Variants in MPPED1 observed in about 807,000 individuals in gnomAD.
The protein encoded by MPPED1 is metallophosphoesterase domain containing 1.
Under a neutral mutation model 36.2 loss-of-function variants are expected in MPPED1, and 16 were observed. The ratio of observed to expected loss-of-function variants is 0.44; its 90% confidence interval spans 0.30 to 0.67. MPPED1 has a LOEUF of 0.67. Among genes scored for constraint, MPPED1 ranks in the 30% least tolerant of loss-of-function variants. MPPED1 has a pLI of 0.10. For missense variants in MPPED1, 307 were observed against 453.4 expected (o/e 0.68, Z 2.93); for synonymous variants, 199 against 191.3 (o/e 1.04, Z -0.33).
intron 5 of MPPED1, among the ~76,000 whole-genome samples, chr22:43,499,962 GTGGTGA>G (rs1932607365): frequency 8.2e-6 from 1 of 121,622 alleles, no homozygotes; most frequent in Non-Finnish European, 1.7e-5. Context: ...GGTGATGGAG[GTGGTGA>G]TGGGGGTGGT....
At chr22:43,427,104 G>A (rs1929504908) in intron 2 of MPPED1, among the ~76,000 whole-genome samples, 1 of 152,228 alleles carries the variant, frequency 6.6e-6, no homozygotes, top group Non-Finnish European at 1.5e-5. Flanking sequence ...GAGCAGCAAG[G>A]CCTCCCAGGG....
intron 3 of MPPED1, among the ~76,000 whole-genome samples, chr22:43,463,839 CTTTCTTTCTTTCT>C (rs1241143737): frequency 1.7e-5 from 2 of 115,654 alleles, no homozygotes; most frequent in African/African-American, 7.4e-5. Flanking sequence ...TTCTTTCTTT[CTTTCTTTCTTTCT>C]TTCTTTCTTT....
At chr22:43,498,172 A>C in intron 4 of MPPED1, 63 bp from the exon 5 acceptor site, 19 of 1,346,830 alleles carry the variant, frequency 1.4e-5, no homozygotes, top group Non-Finnish European at 1.9e-5. Flanking sequence ...GGAGCTCCGC[A>C]TTCCCTCTGA....
At chr22:43,500,149 G>GGGTGGTGGTGGTGATGGTGAT (rs1932631757) in intron 5 of MPPED1, among the ~76,000 whole-genome samples, 1 of 56,760 alleles carries the variant, frequency 1.8e-5, no homozygotes, top group Non-Finnish European at 3.1e-5. Flanking sequence ...GAGGTGGTGG[G>GGGTGGTGGTGGTGATGGTGAT]GGTGGTGGTG....
chr22:43,494,994 C>A (rs1311882215), intron 4 of MPPED1, among the ~76,000 whole-genome samples: 1 of 152,166 alleles, frequency 6.6e-6, no homozygotes, highest in Non-Finnish European at 1.5e-5. Flanking sequence ...ACCCTCATGA[C>A]CTCATCACCT....
At chr22:43,420,040 C>G (rs1929209898) in intron 1 of MPPED1, among the ~76,000 whole-genome samples, 1 of 152,136 alleles carries the variant, frequency 6.6e-6, no homozygotes, top group Non-Finnish European at 1.5e-5. Flanking sequence ...CTGCGGGGAC[C>G]TGGAGTCTCC....
At chr22:43,477,782 G>A (rs989210198) in intron 4 of MPPED1, among the ~76,000 whole-genome samples, 1 of 152,212 alleles carries the variant, frequency 6.6e-6, no homozygotes, top group African/African-American at 2.4e-5. Context: ...TTGGGTACTG[G>A]AGGCTGTTCA....
chr22:43,415,773 A>G (rs738679), intron 1 of MPPED1, among the ~76,000 whole-genome samples: 133,641 of 152,074 alleles, frequency 0.88, 58,810 homozygotes, highest in Middle Eastern at 0.97. Flanking sequence ...CACCACCCCA[A>G]TCTACACCTG....
chr22:43,424,941 G>C lies in MPPED1; in HGVS notation c.-45G>C. ...CAGGTCTGGCGGGGGGCCGGGCTGC[G>C]GTGGCGGCAGCGGTGGGAGATGCCG... is the stretch of plus-strand genomic sequence containing the variant. On this transcript the variant is annotated 5_prime_UTR_variant, in exon 2 of 7. Coordinates refer to ENST00000443721, the MANE Select transcript of MPPED1 (RefSeq NM_001044370.2). 6.5e-7 allele frequency: 1 copy of C among 1,545,448 alleles called. No homozygotes were observed. The highest frequency in any genetic ancestry group is 8.7e-7 in the Non-Finnish European group (1 of 1,147,130).
intron 1 of MPPED1, among the ~76,000 whole-genome samples, chr22:43,415,927 A>G (rs1929063662): frequency 6.6e-6 from 1 of 152,246 alleles, no homozygotes; most frequent in Admixed American, 6.5e-5. Context: ...CACTTCAAGG[A>G]GAAAATGATG....
intron 1 of MPPED1, among the ~76,000 whole-genome samples, chr22:43,415,651 A>G (rs1929054575): frequency 6.6e-6 from 1 of 152,216 alleles, no homozygotes; most frequent in Non-Finnish European, 1.5e-5. Flanking sequence ...GAACCAGGTC[A>G]TCATCATAAA....
intron 4 of MPPED1, among the ~76,000 whole-genome samples, chr22:43,485,564 G>A (rs893866631): frequency 2.0e-5 from 3 of 151,798 alleles, no homozygotes; most frequent in Admixed American, 1.3e-4. Context: ...CACAGACACC[G>A]CCACGATTTC....
At chr22:43,431,216 T>C (rs1929675812) in intron 2 of MPPED1, among the ~76,000 whole-genome samples, 1 of 151,832 alleles carries the variant, frequency 6.6e-6, no homozygotes, top group South Asian at 2.1e-4. Context: ...TAATTTTTTA[T>C]ATTTTTAGTA....
intron 3 of MPPED1, among the ~76,000 whole-genome samples, chr22:43,449,926 T>C (rs1426917820): frequency 2.0e-5 from 3 of 152,202 alleles, no homozygotes; most frequent in Non-Finnish European, 4.4e-5. Flanking sequence ...GCGAGGTGGA[T>C]TCTAGAAGCA....
chr22:43,495,066 G>T (rs1318813670), intron 4 of MPPED1, among the ~76,000 whole-genome samples: 1 of 152,028 alleles, frequency 6.6e-6, no homozygotes, highest in East Asian at 1.9e-4. Context: ...TATTAATTTT[G>T]GGGGGATGCA....
intron 6 of MPPED1, among the ~76,000 whole-genome samples, chr22:43,503,061 G>A (rs1932762908): frequency 6.6e-6 from 1 of 152,328 alleles, no homozygotes; most frequent in East Asian, 1.9e-4. Context: ...GGTTTTCAGA[G>A]GAAGGGGCAT....
intron 3 of MPPED1, among the ~76,000 whole-genome samples, chr22:43,472,572 C>T (rs1002354250): frequency 2.0e-5 from 3 of 152,222 alleles, no homozygotes; most frequent in African/African-American, 7.2e-5. Flanking sequence ...TCCCCCGCCC[C>T]AGAGTTGATA....
intron 4 of MPPED1, among the ~76,000 whole-genome samples, chr22:43,495,205 G>A (rs2146909766): frequency 6.7e-6 from 1 of 149,800 alleles, no homozygotes; most frequent in Non-Finnish European, 1.5e-5. Context: ...TGGAAGTGGT[G>A]ATGGAAGTGG....
intron 4 of MPPED1, among the ~76,000 whole-genome samples, chr22:43,488,720 A>AT (rs1308322470): frequency 6.6e-6 from 1 of 152,248 alleles, no homozygotes; most frequent in Non-Finnish European, 1.5e-5. Flanking sequence ...TCTGGTTGTC[A>AT]TGGCAACTAT....
Sources: allele counts gnomAD v4.1 joint callset (sites outside exome capture counted in the v4.1 genomes callset), GRCh38; gene constraint gnomAD v4.1.1; transcripts MANE v1.5; gene names NCBI Gene and HGNC (gene_info 2026-07-23, HGNC 2026-07-21).